The following ENKUR variants were observed in gnomAD, a reference collection of about 807,000 sequenced individuals.
ENKUR encodes enkurin.
Under a neutral mutation model 27.6 loss-of-function variants are expected in ENKUR, and 19 were observed. The ratio of observed to expected loss-of-function variants is 0.69; its 90% CI spans 0.48 to 1.01. The LOEUF (loss-of-function observed/expected upper bound fraction) is 1.01. ENKUR is among the 50% of genes least tolerant of loss of function. The pLI is 0.00. For missense variants in ENKUR, 312 were observed against 310.5 expected (o/e 1.00, Z -0.04); for synonymous variants, 117 against 96.9 (o/e 1.21, Z -1.22).
intron 2 of ENKUR, among the ~76,000 whole-genome samples, chr10:25,047,089 T>C (rs1315129574): frequency 6.6e-6 from 1 of 152,200 alleles, no homozygotes; most frequent in East Asian, 1.9e-4. Flanking sequence ...TGCTGGCCAT[T>C]TGGGCATTGT....
At chr10:25,014,453 T>C (rs984843265) in intron 1 of ENKUR, among the ~76,000 whole-genome samples, 5 of 152,066 alleles carry the variant, frequency 3.3e-5, no homozygotes, top group African/African-American at 1.2e-4. Context: ...AGTGCAATAT[T>C]ATACACATAA....
intron 1 of ENKUR, among the ~76,000 whole-genome samples, chr10:25,004,772 C>T (rs1850274437): frequency 6.6e-6 from 1 of 152,030 alleles, no homozygotes; most frequent in South Asian, 2.1e-4. Context: ...TAATTAGATC[C>T]CATATGTCAA....
chr10:25,042,483 C>T (rs931976787), intron 2 of ENKUR, among the ~76,000 whole-genome samples: 36 of 152,004 alleles, frequency 2.4e-4, no homozygotes, highest in African/African-American at 7.2e-4. Context: ...TTAGGAGAGA[C>T]GGGGTTTCAC....
chr10:24,991,041 A>G lies in ENKUR; in HGVS notation c.448-432T>C, dbSNP rs544762990. On this transcript the variant is annotated intron_variant, in intron 3 of 5. Transcript: ENST00000331161. ...CTTGAATCTGGGAGGCAGAGGTTAC[A>G]GTGAGCCAAGGTGCCACTGCACTCC... 1.2e-3 allele frequency among the ~76,000 whole-genome samples: 178 copies of G among 152,336 alleles called. 2 individuals are homozygous for G. The highest frequency in any genetic ancestry group is 4.2e-3 in the African/African-American group (174 of 41,578).
At chr10:25,027,545 A>G (rs1264895197) in intron 2 of ENKUR, among the ~76,000 whole-genome samples, 1 of 151,196 alleles carries the variant, frequency 6.6e-6, no homozygotes, top group Non-Finnish European at 1.5e-5. Context: ...TCTCCAAAAA[A>G]AAAAAAAAAG....
intron 2 of ENKUR, among the ~76,000 whole-genome samples, chr10:25,055,447 C>T (rs970460220): frequency 6.6e-6 from 1 of 151,226 alleles, no homozygotes; most frequent in Non-Finnish European, 1.5e-5. Context: ...CTGTGAAAGG[C>T]CTACACTTCC....
chr10:25,033,815 G>A (rs908087554), intron 2 of ENKUR, among the ~76,000 whole-genome samples: 1 of 144,008 alleles, frequency 6.9e-6, no homozygotes, highest in Non-Finnish European at 1.5e-5. Context: ...GTATGTATGT[G>A]TGTGTGTGTG....
At chr10:24,999,155 G>T (rs1458792639) in intron 2 of ENKUR, among the ~76,000 whole-genome samples, 2 of 152,176 alleles carry the variant, frequency 1.3e-5, no homozygotes, top group Admixed American at 6.6e-5. Flanking sequence ...GACTAAGATG[G>T]TGATGCATGT....
intron 2 of ENKUR, among the ~76,000 whole-genome samples, chr10:25,021,185 T>A (rs1167363093): frequency 6.6e-6 from 1 of 152,196 alleles, no homozygotes; most frequent in Non-Finnish European, 1.5e-5. Context: ...TGTCAGTGAG[T>A]GACAATGATT....
intron 2 of ENKUR, among the ~76,000 whole-genome samples, chr10:25,042,268 AT>A (rs1371573202): frequency 1.3e-3 from 185 of 141,648 alleles, no homozygotes; most frequent in South Asian, 2.1e-3. Flanking sequence ...CTTTGGAAAG[AT>A]TTTTTTTTTT....
chr10:24,993,550 A>G (rs1470536795), intron 3 of ENKUR, among the ~76,000 whole-genome samples: 1 of 152,350 alleles, frequency 6.6e-6, no homozygotes, highest in African/African-American at 2.4e-5. Flanking sequence ...TGGAGCTGAA[A>G]TGGGAGTTCA....
At chr10:25,052,285 A>G (rs1851195009) in intron 2 of ENKUR, among the ~76,000 whole-genome samples, 1 of 152,220 alleles carries the variant, frequency 6.6e-6, no homozygotes, top group Non-Finnish European at 1.5e-5. Flanking sequence ...AGAGGTCAGT[A>G]TGCTAAAGGC....
chr10:25,057,130 A>G (rs1202858315), intron 2 of ENKUR, among the ~76,000 whole-genome samples: 1 of 152,166 alleles, frequency 6.6e-6, no homozygotes, highest in Admixed American at 6.5e-5. Flanking sequence ...AAAGAAAATG[A>G]GCTATATAAT....
intron 4 of ENKUR, among the ~76,000 whole-genome samples, chr10:24,985,323 C>T (rs538220592): frequency 6.6e-6 from 1 of 152,274 alleles, no homozygotes; most frequent in African/African-American, 2.4e-5. Flanking sequence ...CCTCATTCTT[C>T]AACAGACAAA....
chr10:25,033,923 C>A (rs186655235), intron 2 of ENKUR, among the ~76,000 whole-genome samples: 11 of 151,854 alleles, frequency 7.2e-5, no homozygotes, highest in African/African-American at 2.2e-4. Flanking sequence ...CTATCTCTCT[C>A]TCTATATATA....
chr10:25,020,901 TTTATG>T (rs752457985), upstream of ENKUR, among the ~76,000 whole-genome samples: 4 of 152,154 alleles, frequency 2.6e-5, no homozygotes, highest in Non-Finnish European at 4.4e-5. Flanking sequence ...ATCAGACTGT[TTTATG>T]TAAGTGCCCT....
At chr10:24,989,416 C>T (rs941333018) in intron 4 of ENKUR, among the ~76,000 whole-genome samples, 1 of 152,130 alleles carries the variant, frequency 6.6e-6, no homozygotes, top group Non-Finnish European at 1.5e-5. Context: ...TGGGACATGC[C>T]GTCACTCTAC....
At chr10:25,042,942 C>T (rs1851082035) in intron 2 of ENKUR, among the ~76,000 whole-genome samples, 1 of 152,048 alleles carries the variant, frequency 6.6e-6, no homozygotes, top group Non-Finnish European at 1.5e-5. Flanking sequence ...AATATTAGGA[C>T]AATCAGCAAA....
At chr10:25,004,218 A>G (rs1850259235) in intron 1 of ENKUR, among the ~76,000 whole-genome samples, 1 of 152,218 alleles carries the variant, frequency 6.6e-6, no homozygotes, top group Non-Finnish European at 1.5e-5. Flanking sequence ...TGCTACTGTG[A>G]ATAGTGCTGC....
Sources: allele counts gnomAD v4.1 joint callset (sites outside exome capture counted in the v4.1 genomes callset), GRCh38; gene constraint gnomAD v4.1.1; transcripts MANE v1.5; gene names NCBI Gene and HGNC (gene_info 2026-07-23, HGNC 2026-07-21).